Variants in EPB41L2 observed in about 807,000 individuals in gnomAD.
EPB41L2 encodes erythrocyte membrane protein band 4.1 like 2.
Under a neutral mutation model 113.0 loss-of-function variants are expected in EPB41L2, and 43 were observed. The ratio of observed to expected loss-of-function variants is 0.38; its 90% CI spans 0.30 to 0.49. The LOEUF (loss-of-function observed/expected upper bound fraction) is 0.49. Ranked by LOEUF, EPB41L2 falls within the 20% of genes least tolerant of loss-of-function variation. The probability of loss-of-function intolerance (pLI) is 0.95; values close to 1 mark genes in which losing one functional copy is unlikely to be tolerated. For synonymous variants in EPB41L2, 442 were observed against 436.7 expected (o/e 1.01, Z -0.15); for missense variants, 1,147 against 1,223.4 (o/e 0.94, Z 0.93).
chr6:131,044,019 CTTTTTTTT>C (rs35350923), intron 1 of EPB41L2, among the ~76,000 whole-genome samples: 1 of 103,058 alleles, frequency 9.7e-6, no homozygotes. Context: ...CTAAATAATG[CTTTTTTTT>C]TTTTTTTTTT....
In EPB41L2 at chr6:130,864,178, T is replaced by C. The variant is rs190070311; in HGVS notation, c.2830-460A>G. Among the ~76,000 whole-genome samples the C allele has an allele frequency of 2.2e-4, 33 of 152,374 alleles. 1 individual carries two copies. The highest frequency in any genetic ancestry group is 1.8e-3 in the Admixed American group (28 of 15,310). The stretch of plus-strand genomic sequence containing the variant: ...TTATAAGAATTTAGGTATCTGTTTT[T>C]GGTTTGAGAAACTGTTTGATGTGAT... On this transcript the variant is annotated intron_variant, in intron 17 of 19. Transcript: ENST00000337057.
chr6:130,843,268 C>T (rs201593096), intron 19 of EPB41L2, among the ~76,000 whole-genome samples: 1 of 152,198 alleles, frequency 6.6e-6, no homozygotes, highest in East Asian at 1.9e-4. Flanking sequence ...CTGTACTTTT[C>T]TGTCCTCTGG....
intron 19 of EPB41L2, among the ~76,000 whole-genome samples, chr6:130,848,199 T>TCTCACACACACACA (rs376078462): frequency 2.6e-5 from 3 of 113,506 alleles, no homozygotes; most frequent in East Asian, 2.5e-4. Flanking sequence ...TCTCTCTCTC[T>TCTCACACACACACA]CACACACACA....
At chr6:130,851,654 T>C (rs1778801308) in intron 19 of EPB41L2, among the ~76,000 whole-genome samples, 1 of 152,244 alleles carries the variant, frequency 6.6e-6, no homozygotes, top group African/African-American at 2.4e-5. Context: ...TTTCAACCTG[T>C]TACAGGGCTC....
At chr6:130,893,112 T>G (rs985371063) in intron 10 of EPB41L2, among the ~76,000 whole-genome samples, 1 of 152,198 alleles carries the variant, frequency 6.6e-6, no homozygotes, top group Non-Finnish European at 1.5e-5. Context: ...AAGCTAAAGA[T>G]GGTTAGATGA....
intron 3 of EPB41L2, among the ~76,000 whole-genome samples, chr6:130,952,589 C>T (rs1258675372): frequency 1.2e-4 from 19 of 152,108 alleles, no homozygotes; most frequent in African/African-American, 3.9e-4. Context: ...CCAAGGTGGG[C>T]GGATCACGAG....
chr6:130,897,049 G>A (rs969517039), intron 8 of EPB41L2, among the ~76,000 whole-genome samples: 1 of 151,970 alleles, frequency 6.6e-6, no homozygotes, highest in Admixed American at 6.6e-5. Flanking sequence ...AAACCACTCT[G>A]CCCTCCCTCC....
intron 3 of EPB41L2, among the ~76,000 whole-genome samples, chr6:130,935,804 G>A (rs937358705): frequency 6.6e-6 from 1 of 152,182 alleles, no homozygotes; most frequent in African/African-American, 2.4e-5. Flanking sequence ...AGACTAGGGT[G>A]TGCCCACTTG....
chr6:131,031,307 T>TA lies in EPB41L2; in HGVS notation c.-15+31847dup, dbSNP rs1050013848. On this transcript the variant is annotated intron_variant, in intron 1 of 19. Coordinates refer to ENST00000337057, the MANE Select transcript of EPB41L2 (RefSeq NM_001431.4). ...AGAAAATATACAGAGATTTTTTTTT[T>TA]AAAAAGCCATAATAGAGTAAGCTAT... Among the ~76,000 whole-genome samples, 26 of 151,538 alleles carry TA rather than the reference T, an allele frequency of 1.7e-4. 1 individual carries two copies. Among genetic ancestry groups the TA allele is most frequent in the East Asian group, 1.4e-3 (7 of 5,146 alleles).
chr6:130,965,049 A>C (rs1774685549), intron 1 of EPB41L2, among the ~76,000 whole-genome samples: 1 of 152,208 alleles, frequency 6.6e-6, no homozygotes, highest in African/African-American at 2.4e-5. Flanking sequence ...GGGGCTTTAT[A>C]ATCATTAGCA....
chr6:131,058,498 A>G (rs781414331), intron 1 of EPB41L2, among the ~76,000 whole-genome samples: 1 of 152,252 alleles, frequency 6.6e-6, no homozygotes, highest in Non-Finnish European at 1.5e-5. Context: ...TGATATTTCT[A>G]CATGAAACAT....
At chr6:130,874,502 A>G (rs1469482598) in intron 14 of EPB41L2, among the ~76,000 whole-genome samples, 1 of 152,202 alleles carries the variant, frequency 6.6e-6, no homozygotes, top group African/African-American at 2.4e-5. Context: ...TCCCGTAGAC[A>G]AATGCTCACA....
chr6:130,964,788 A>G (rs559610500), intron 1 of EPB41L2, among the ~76,000 whole-genome samples: 1 of 152,274 alleles, frequency 6.6e-6, no homozygotes, highest in Non-Finnish European at 1.5e-5. Context: ...CAACTCTTCT[A>G]GGAAGGAACT....
chr6:130,890,777 CAT>C (rs772460382), intron 10 of EPB41L2, among the ~76,000 whole-genome samples: 37 of 152,218 alleles, frequency 2.4e-4, no homozygotes, highest in Non-Finnish European at 4.0e-4. Flanking sequence ...TATATAAACA[CAT>C]GTCTGAATTT....
rs145751301 is a variant in EPB41L2, at chr6:130,943,327, G to A, written c.705+11778C>T. On this transcript the variant is annotated intron_variant, in intron 3 of 19. Transcript: ENST00000337057. ...GTACATATTTTAAAGTAACAAAAATGTGTCCAAACTGATTTTAAAGCATAA... is the reference window on the plus strand; with the variant it reads ...GTACATATTTTAAAGTAACAAAAATATGTCCAAACTGATTTTAAAGCATAA... Among the ~76,000 whole-genome samples the A allele has an allele frequency of 7.2e-5, 11 of 152,324 alleles. No homozygotes were observed. The East Asian group carries it at 1.5e-3, about 21-fold the overall frequency.
intron 3 of EPB41L2, among the ~76,000 whole-genome samples, chr6:130,952,220 A>G (rs1432939896): frequency 1.3e-5 from 2 of 152,014 alleles, no homozygotes; most frequent in Non-Finnish European, 2.9e-5. Flanking sequence ...AATTTTATCA[A>G]TTTCATTTAT....
chr6:130,905,665 C>T (rs533070261), intron 5 of EPB41L2, among the ~76,000 whole-genome samples: 4 of 152,122 alleles, frequency 2.6e-5, no homozygotes, highest in Admixed American at 6.5e-5. Flanking sequence ...AGCAATCTCC[C>T]GGCCTCAGCC....
At chr6:131,045,607 C>A (rs979743618) in intron 1 of EPB41L2, among the ~76,000 whole-genome samples, 3 of 152,052 alleles carry the variant, frequency 2.0e-5, no homozygotes, top group Non-Finnish European at 4.4e-5. Context: ...GAACAAAGAG[C>A]CAAAACATGT....
At chr6:130,883,524 T>C (rs907370067) in intron 12 of EPB41L2, among the ~76,000 whole-genome samples, 3 of 152,260 alleles carry the variant, frequency 2.0e-5, no homozygotes, top group African/African-American at 7.2e-5. Flanking sequence ...TGTACCCAGT[T>C]GTTCACCGCA....
Sources: allele counts gnomAD v4.1 joint callset (sites outside exome capture counted in the v4.1 genomes callset), GRCh38; gene constraint gnomAD v4.1.1; transcripts MANE v1.5; gene names NCBI Gene and HGNC (gene_info 2026-07-23, HGNC 2026-07-21).